NRG3: variants seen among roughly 807,000 people sequenced by gnomAD.
NRG3 encodes neuregulin 3.
A neutral mutation model predicts 66.9 loss-of-function variants in NRG3; 31 were observed. The observed-to-expected ratio is 0.46, with a 90% CI of 0.35 to 0.63. NRG3 has a LOEUF of 0.63. NRG3 is among the 20% of genes least tolerant of loss of function. The pLI is 0.00. For missense variants in NRG3, 910 were observed against 878.9 expected (o/e 1.04, Z -0.45); for synonymous variants, 393 against 359.4 (o/e 1.09, Z -1.06).
chr10:82,145,416 C>T (rs1453574293), intron 1 of NRG3, among the ~76,000 whole-genome samples: 1 of 152,148 alleles, frequency 6.6e-6, no homozygotes, highest in Non-Finnish European at 1.5e-5. Flanking sequence ...CTTCAACATA[C>T]TTGGCTGTAA....
At chr10:82,489,372 G>A (rs1842924901) in intron 2 of NRG3, among the ~76,000 whole-genome samples, 1 of 152,200 alleles carries the variant, frequency 6.6e-6, no homozygotes, top group East Asian at 1.9e-4. Flanking sequence ...TCTGTAGGCA[G>A]TTTTCTGGAA....
rs1188955647 is a variant in NRG3, at chr10:82,150,530, CAAAA to C, written c.824-208188_824-208185del. Among the ~76,000 whole-genome samples, 17 of 26,690 alleles carry C rather than the reference CAAAA, an allele frequency of 6.4e-4. No individual in the cohort carries two copies. In the East Asian group the frequency reaches 6.9e-3, roughly 11 times the overall value. 17.5% of individuals were successfully genotyped at this position (26,690 alleles called of 152,430 possible). A position where few individuals can be genotyped will look rare whatever the true frequency, so the allele number is the denominator to read the frequency against. The stretch of plus-strand genomic sequence containing the variant: ...ATTAACAAAGCAAAAAGAGCACACA[CAAAA>C]AAAAAAAAAAAAAAAAAAAAGTCAA... On this transcript the variant is annotated intron_variant, in intron 1 of 8. Coordinates refer to ENST00000372141, the MANE Select transcript of NRG3 (RefSeq NM_001010848.4).
intron 3 of NRG3, among the ~76,000 whole-genome samples, chr10:82,863,847 GTC>G (rs1324636413): frequency 6.6e-6 from 1 of 151,982 alleles, no homozygotes; most frequent in African/African-American, 2.4e-5. Context: ...TTTCTCCATG[GTC>G]TCTCATTCAT....
At chr10:82,343,888 C>T (rs2082820921) in intron 1 of NRG3, among the ~76,000 whole-genome samples, 1 of 152,090 alleles carries the variant, frequency 6.6e-6, no homozygotes, top group African/African-American at 2.4e-5. Flanking sequence ...CGCTGCTTCT[C>T]TCTTATGACC....
chr10:82,227,472 G>C (rs929806042), intron 1 of NRG3, among the ~76,000 whole-genome samples: 3 of 151,624 alleles, frequency 2.0e-5, no homozygotes, highest in African/African-American at 4.8e-5. Context: ...AAACTTAAAG[G>C]GTTTTTCTTT....
intron 1 of NRG3, among the ~76,000 whole-genome samples, chr10:82,166,127 A>G (rs1000828518): frequency 6.6e-6 from 1 of 152,038 alleles, no homozygotes; most frequent in Non-Finnish European, 1.5e-5. Flanking sequence ...GGTTCAAGCA[A>G]TTCTCCTGCC....
intron 3 of NRG3, among the ~76,000 whole-genome samples, chr10:82,796,379 CA>C (rs145690155): frequency 0.03 from 4,607 of 152,208 alleles, 201 homozygotes; most frequent in African/African-American, 0.1. Flanking sequence ...GAGCAGCAGC[CA>C]AACCATTTCA....
chr10:81,988,049 T>C (rs1485822673), intron 1 of NRG3, among the ~76,000 whole-genome samples: 1 of 152,138 alleles, frequency 6.6e-6, no homozygotes, highest in Non-Finnish European at 1.5e-5. Context: ...AATATTTGGG[T>C]TAAAATGGCA....
chr10:82,722,580 A>C (rs1344645100), intron 2 of NRG3, among the ~76,000 whole-genome samples: 1 of 152,134 alleles, frequency 6.6e-6, no homozygotes, highest in African/African-American at 2.4e-5. Flanking sequence ...TTTCTGCTCC[A>C]AGCCCCCACC....
Position 82,615,269 on chromosome 10 carries a change from A to C in NRG3, c.954-123308A>C, listed in dbSNP as rs1000878775. On this transcript the variant is annotated intron_variant, in intron 2 of 8. Transcript: ENST00000372141. ...GGAGAATTGATTGATATGTTATCTG[A>C]TTATAAAAATAGAAATAAAAGAAGA... 2.0e-5 allele frequency among the ~76,000 whole-genome samples: 3 copies of C among 152,262 alleles called. No homozygotes were observed. The East Asian group carries it at 5.8e-4, about 29-fold the overall frequency.
chr10:82,231,248 C>G (rs1020692829), intron 1 of NRG3, among the ~76,000 whole-genome samples: 2 of 152,018 alleles, frequency 1.3e-5, no homozygotes, highest in Non-Finnish European at 2.9e-5. Flanking sequence ...GAGGCTGAGG[C>G]AGGAGAATCA....
At chr10:82,368,970 C>T (rs181350529) in intron 2 of NRG3, among the ~76,000 whole-genome samples, 1 of 138,536 alleles carries the variant, frequency 7.2e-6, no homozygotes, top group Non-Finnish European at 1.5e-5. Flanking sequence ...CCGTGTCCTT[C>T]TGTGGTCTGC....
intron 1 of NRG3, among the ~76,000 whole-genome samples, chr10:82,070,501 A>G (rs1003564251): frequency 6.6e-6 from 1 of 152,310 alleles, no homozygotes; most frequent in Non-Finnish European, 1.5e-5. Flanking sequence ...ACTGTAACAG[A>G]AAATATTGAT....
chr10:82,187,829 AT>A (rs1284556461), intron 1 of NRG3, among the ~76,000 whole-genome samples: 2 of 152,142 alleles, frequency 1.3e-5, no homozygotes, highest in Admixed American at 6.5e-5. Context: ...TTCAGAATTT[AT>A]TTTGAAGACT....
intron 1 of NRG3, among the ~76,000 whole-genome samples, chr10:82,181,394 T>C (rs2073407644): frequency 6.6e-6 from 1 of 151,768 alleles, no homozygotes; most frequent in South Asian, 2.1e-4. Flanking sequence ...AATGTCAGTG[T>C]TCATTGCAAT....
chr10:81,937,273 G>A (rs1564672808), intron 1 of NRG3, among the ~76,000 whole-genome samples: 1 of 152,028 alleles, frequency 6.6e-6, no homozygotes, highest in Non-Finnish European at 1.5e-5. Flanking sequence ...CCTGTTTTCA[G>A]TTCTTTTGAA....
intron 2 of NRG3, among the ~76,000 whole-genome samples, chr10:82,606,114 A>T (rs2047945748): frequency 6.6e-6 from 1 of 152,056 alleles, no homozygotes; most frequent in Non-Finnish European, 1.5e-5. Flanking sequence ...CTAAGGCATG[A>T]TCTTAGACTA....
At chr10:82,913,952 G>A (rs1242945026) in intron 4 of NRG3, among the ~76,000 whole-genome samples, 1 of 151,942 alleles carries the variant, frequency 6.6e-6, no homozygotes, top group Non-Finnish European at 1.5e-5. Context: ...TTTTAAAATT[G>A]TCTCCTAGTT....
Position 82,122,631 on chromosome 10 carries a change from C to T in NRG3, c.824-236108C>T, listed in dbSNP as rs140491431. ...CCAGGCAGTTATATTAGTGTTATTT[C>T]TAGACATTGTCTGCCCTGAATACCT... is the stretch of plus-strand genomic sequence containing the variant. On this transcript the variant is annotated intron_variant, in intron 1 of 8. Coordinates refer to ENST00000372141, the MANE Select transcript of NRG3 (RefSeq NM_001010848.4). Among the ~76,000 whole-genome samples, 361 of 152,272 alleles carry T rather than the reference C, an allele frequency of 2.4e-3. 1 individual carries two copies. Among genetic ancestry groups the T allele is most frequent in the Non-Finnish European group, 4.1e-3 (278 of 68,010 alleles).
Sources: allele counts gnomAD v4.1 joint callset (sites outside exome capture counted in the v4.1 genomes callset), GRCh38; gene constraint gnomAD v4.1.1; transcripts MANE v1.5; gene names NCBI Gene and HGNC (gene_info 2026-07-23, HGNC 2026-07-21).